RIMS1: variants seen among roughly 807,000 people sequenced by gnomAD.
RIMS1 encodes the protein regulating synaptic membrane exocytosis protein 1.
RIMS1 carries 83 observed loss-of-function variants against 214.1 expected under a neutral mutation model. That is an observed-to-expected ratio of 0.39 (90% confidence interval 0.32 to 0.47). The LOEUF is 0.47. Among genes scored for constraint, RIMS1 ranks in the 20% least tolerant of loss-of-function variants. RIMS1 has a pLI of 0.99. For synonymous variants in RIMS1, 793 were observed against 786.8 expected (o/e 1.01, Z -0.13); for missense variants, 2,050 against 2,161.8 (o/e 0.95, Z 1.03).
intron 1 of RIMS1, among the ~76,000 whole-genome samples, chr6:71,898,318 T>C (rs1772496429): frequency 6.6e-6 from 1 of 152,148 alleles, no homozygotes; most frequent in Non-Finnish European, 1.5e-5. Context: ...CCAGAAAGCA[T>C]TCTACTGGTT....
At chr6:71,921,278 G>A (rs62407753) in intron 1 of RIMS1, among the ~76,000 whole-genome samples, 19,867 of 152,042 alleles carry the variant, frequency 0.13, 1,661 homozygotes, top group Middle Eastern at 0.21. Flanking sequence ...CCGCCACCAT[G>A]CCCAGCTAAT....
intron 28 of RIMS1, among the ~76,000 whole-genome samples, chr6:72,317,729 A>G (rs1037347451): frequency 2.0e-5 from 3 of 152,198 alleles, no homozygotes; most frequent in African/African-American, 7.2e-5. Flanking sequence ...ATCTTGAGTT[A>G]GAGTTATCTA....
At chr6:72,138,340 C>T (rs78317327) in intron 4 of RIMS1, among the ~76,000 whole-genome samples, 1,698 of 152,198 alleles carry the variant, frequency 0.011, 9 homozygotes, top group Non-Finnish European at 0.017. Flanking sequence ...TCAGTACAAA[C>T]CAGTTTTAGA....
chr6:72,263,743 C>A (rs997373925), intron 19 of RIMS1: 1 of 983,688 alleles, frequency 1.0e-6, no homozygotes, highest in African/African-American at 1.8e-5. Context: ...GCGGGCAGAT[C>A]ACTTGAGGTC....
At chr6:72,093,224 A>C (rs968130510) in intron 2 of RIMS1, among the ~76,000 whole-genome samples, 1 of 148,272 alleles carries the variant, frequency 6.7e-6, no homozygotes, top group African/African-American at 2.4e-5. Flanking sequence ...ATATATATAT[A>C]TATAAAAACA....
intron 2 of RIMS1, among the ~76,000 whole-genome samples, chr6:72,075,566 T>C (rs965835593): frequency 1.3e-5 from 2 of 152,220 alleles, no homozygotes; most frequent in African/African-American, 4.8e-5. Flanking sequence ...CACTTCTACA[T>C]GGACTATCAT....
At chr6:72,211,881 A>G (rs548755261) in intron 6 of RIMS1, among the ~76,000 whole-genome samples, 1 of 152,164 alleles carries the variant, frequency 6.6e-6, no homozygotes, top group Non-Finnish European at 1.5e-5. Context: ...GCCTTAGGTT[A>G]GTGACTTAGG....
intron 27 of RIMS1, 148 bp from the exon 28 acceptor site, chr6:72,313,358 G>A: frequency 5.0e-6 from 3 of 597,522 alleles, no homozygotes; most frequent in Non-Finnish European, 8.6e-6. Flanking sequence ...AAATCATATG[G>A]TAGTATTTGG....
chr6:72,363,384 G>A (rs2097888109), intron 29 of RIMS1, among the ~76,000 whole-genome samples: 1 of 152,194 alleles, frequency 6.6e-6, no homozygotes, highest in Non-Finnish European at 1.5e-5. Context: ...TTCATCTAAA[G>A]TGCAGTAGAA....
At chr6:72,227,074 A>G (rs2060408511) in intron 6 of RIMS1, among the ~76,000 whole-genome samples, 1 of 151,964 alleles carries the variant, frequency 6.6e-6, no homozygotes, top group Admixed American at 6.6e-5. Flanking sequence ...CAAGTCTCCA[A>G]CTCGGAGTAC....
chr6:72,025,376 G>C (rs184806689), intron 2 of RIMS1, among the ~76,000 whole-genome samples: 1 of 152,318 alleles, frequency 6.6e-6, no homozygotes, highest in African/African-American at 2.4e-5. Flanking sequence ...CACATAGGTG[G>C]AAGAGCTGAA....
chr6:72,375,444 C>T (rs907812413), intron 29 of RIMS1, among the ~76,000 whole-genome samples: 2 of 151,984 alleles, frequency 1.3e-5, no homozygotes, highest in African/African-American at 2.4e-5. Context: ...GTTTTCATTA[C>T]ATTTCCTCTA....
At chr6:72,197,988 G>A (rs575360619) in intron 6 of RIMS1, among the ~76,000 whole-genome samples, 11 of 152,178 alleles carry the variant, frequency 7.2e-5, no homozygotes, top group African/African-American at 2.4e-4. Context: ...GTTCTCATCA[G>A]CAATGATGAA....
Position 71,926,969 on chromosome 6 carries a change from C to A in RIMS1, c.164+39782C>A, listed in dbSNP as rs916520484. Among the ~76,000 whole-genome samples the A allele has an allele frequency of 4.6e-5, 7 of 152,186 alleles. No homozygotes were observed. The South Asian group carries it at 6.2e-4, about 14-fold the overall frequency. On this transcript the variant is annotated intron_variant, in intron 1 of 33. Transcript: ENST00000521978. ...GCTTATACACCCAATAAATGGCAAACCAAGCTATATCCTGAGTCTGGATCC... is the reference window on the plus strand; with the variant it reads ...GCTTATACACCCAATAAATGGCAAAACAAGCTATATCCTGAGTCTGGATCC...
At position 71,924,630 on chromosome 6, in the gene RIMS1, C is replaced by CAAAAA. The variant is rs1250868988; in HGVS notation, c.164+37457_164+37461dup. On this transcript the variant is annotated intron_variant, in intron 1 of 33. Coordinates refer to ENST00000521978, the MANE Select transcript of RIMS1 (RefSeq NM_014989.7). ...CCAACACAGCAAAACCCCATCTCTG[C>CAAAAA]AAAAAAAAAAAAAAAAAATGCAGAA... is the stretch of plus-strand genomic sequence containing the variant. 3.7e-3 allele frequency among the ~76,000 whole-genome samples: 282 copies of CAAAAA among 76,188 alleles called. 3 individuals carry two copies. The South Asian group carries it at 0.037, about 10-fold the overall frequency. 50.0% of individuals were successfully genotyped at this position (76,188 alleles called of 152,430 possible). A position where few individuals can be genotyped will look rare whatever the true frequency, so the allele number is the denominator to read the frequency against.
intron 19 of RIMS1, chr6:72,261,492 G>A (rs536009394): frequency 2.1e-6 from 2 of 957,456 alleles, no homozygotes; most frequent in African/African-American, 3.5e-5. Context: ...TCATATCCAA[G>A]TAAAACTTCT....
intron 2 of RIMS1, among the ~76,000 whole-genome samples, chr6:72,009,716 G>T (rs1342903199): frequency 6.6e-6 from 1 of 152,138 alleles, no homozygotes; most frequent in Non-Finnish European, 1.5e-5. Flanking sequence ...AAATAAACTA[G>T]AAAATCTAGA....
chr6:71,913,497 G>A (rs1201878801), intron 1 of RIMS1, among the ~76,000 whole-genome samples: 3 of 151,878 alleles, frequency 2.0e-5, no homozygotes, highest in East Asian at 1.9e-4. Context: ...TCCTGCCCCC[G>A]CCCCATCTCT....
intron 6 of RIMS1, chr6:72,216,908 A>G: frequency 1.6e-6 from 2 of 1,227,836 alleles, no homozygotes; most frequent in Non-Finnish European, 2.0e-6. Flanking sequence ...AGCACAGAGC[A>G]CTATAGATTA....
Sources: gnomAD v4.1 joint callset for allele counts (sites outside exome capture counted in the v4.1 genomes callset) on GRCh38, gnomAD v4.1.1 for gene constraint, MANE v1.5 for transcripts, NCBI Gene and HGNC (gene_info 2026-07-23, HGNC 2026-07-21) for gene names.